The following COL4A2 variants were observed in gnomAD, a reference collection of about 807,000 sequenced individuals.
COL4A2 encodes the protein collagen alpha-2(IV) chain.
In COL4A2, 99 loss-of-function variants were observed where a neutral mutation model predicts 200.2. The ratio of observed to expected loss-of-function variants is 0.49; its 90% CI spans 0.42 to 0.58. The LOEUF is 0.58. COL4A2 is among the 20% of genes least tolerant of loss of function. The pLI, the probability that COL4A2 is intolerant of heterozygous loss-of-function variation, is 0.00. For synonymous variants in COL4A2, 897 were observed against 900.6 expected, an observed-to-expected ratio of 1.00 and a Z score of 0.07; for missense variants, 1,950 against 2,314.1, an observed-to-expected ratio of 0.84 and a Z score of 3.23.
intron 29 of COL4A2, among the ~76,000 whole-genome samples, chr13:110,477,478 G>T (rs1298979212): frequency 6.6e-6 from 1 of 152,140 alleles, no homozygotes; most frequent in African/African-American, 2.4e-5. Context: ...AGTTTCTCAG[G>T]CAGTTTCCTA....
At chr13:110,310,955 G>A (rs1027817419) in intron 3 of COL4A2, among the ~76,000 whole-genome samples, 5 of 152,206 alleles carry the variant, frequency 3.3e-5, no homozygotes, top group Non-Finnish European at 7.3e-5. Flanking sequence ...GAATGAGACG[G>A]ATTAGAACCC....
intron 40 of COL4A2, among the ~76,000 whole-genome samples, chr13:110,496,783 G>C (rs1227032504): frequency 1.3e-5 from 2 of 150,746 alleles, no homozygotes; most frequent in Non-Finnish European, 2.9e-5. Flanking sequence ...TCTAGGGTCA[G>C]TCCATCAGCA....
chr13:110,470,878 A>G lies in COL4A2; in HGVS notation c.2203+1554A>G, dbSNP rs150632378. 5.3e-3 allele frequency among the ~76,000 whole-genome samples: 809 copies of G among 152,258 alleles called. 1 individual carries two copies. Among genetic ancestry groups the G allele is most frequent in the Non-Finnish European group, 8.5e-3 (578 of 68,022 alleles). On this transcript the variant is annotated intron_variant, in intron 28 of 47. Transcript: ENST00000360467. ...CCCGTAGGGATTGTTCCAAACCCTG[A>G]CCCTGTTTCCTTTCATATGATGCGT... is the stretch of plus-strand genomic sequence containing the variant.
intron 4 of COL4A2, among the ~76,000 whole-genome samples, chr13:110,389,033 C>A (rs1878883438): frequency 6.6e-6 from 1 of 152,198 alleles, no homozygotes. Context: ...TTTCTTTAAG[C>A]AGCTGACACT....
intron 3 of COL4A2, among the ~76,000 whole-genome samples, chr13:110,321,225 T>TACACAC (rs530933085): frequency 7.0e-6 from 1 of 143,552 alleles, no homozygotes; most frequent in South Asian, 2.1e-4. Flanking sequence ...TATATATATA[T>TACACAC]ACACACACAC....
intron 44 of COL4A2, 59 bp from the exon 45 acceptor site, chr13:110,504,089 C>G: frequency 6.3e-7 from 1 of 1,587,886 alleles, no homozygotes; most frequent in Non-Finnish European, 8.6e-7. Context: ...CTTTGTGGAT[C>G]GCCGGCCGTG....
At position 110,508,356 on chromosome 13, in the gene COL4A2, C is replaced by G; in HGVS notation, c.4881+135C>G. 1 of 1,377,218 alleles carries G rather than the reference C, an allele frequency of 7.3e-7. No individual in the cohort carries two copies. The highest frequency in any genetic ancestry group is 9.9e-7 in the Non-Finnish European group (1 of 1,010,648). 85.3% of individuals were successfully genotyped at this position (1,377,218 alleles called of 1,614,324 possible). A position where few individuals can be genotyped will look rare whatever the true frequency, so the allele number is the denominator to read the frequency against. On this transcript the variant is annotated intron_variant, in intron 47 of 47. Coordinates refer to ENST00000360467, the MANE Select transcript of COL4A2 (RefSeq NM_001846.4). This position sits in a 1 kb window ranked among gnomAD's most constrained non-coding sequence, Gnocchi z 6.1. Reference sequence around the variant, plus strand: ...GCACAAGGGTAGTTGGCCCAGGAAGCGAGCGAGAGCTGGAACACAGCTTAC... The same window carrying G: ...GCACAAGGGTAGTTGGCCCAGGAAGGGAGCGAGAGCTGGAACACAGCTTAC...
chr13:110,362,841 G>A (rs773855635), intron 4 of COL4A2, among the ~76,000 whole-genome samples: 1 of 152,190 alleles, frequency 6.6e-6, no homozygotes, highest in Non-Finnish European at 1.5e-5. Flanking sequence ...AACTCACCTA[G>A]CAGATGGTGA....
At chr13:110,485,164 T>G (rs373638966) in intron 33 of COL4A2, 137 bp downstream of exon 33, 7 of 701,436 alleles carry the variant, frequency 1.0e-5, no homozygotes, top group Non-Finnish European at 1.6e-5. Context: ...CTGGGCGCCC[T>G]GTGTGTCCAT....
chr13:110,410,246 C>T (rs995197736), intron 4 of COL4A2, among the ~76,000 whole-genome samples: 1 of 152,244 alleles, frequency 6.6e-6, no homozygotes, highest in Non-Finnish European at 1.5e-5. Flanking sequence ...CCCCTGTCCC[C>T]TCGCAGGGCT....
chr13:110,319,953 T>C (rs1409263608), intron 3 of COL4A2, among the ~76,000 whole-genome samples: 2 of 152,208 alleles, frequency 1.3e-5, no homozygotes, highest in African/African-American at 2.4e-5. Context: ...AAATTGTGTA[T>C]CTTCAGTGAT....
chr13:110,349,051 C>T (rs1440967854), intron 3 of COL4A2, among the ~76,000 whole-genome samples: 4 of 152,296 alleles, frequency 2.6e-5, no homozygotes, highest in African/African-American at 9.6e-5. Flanking sequence ...ATGGCATCCA[C>T]TTTAAATGAT....
chr13:110,508,248 C>G lies in COL4A2; in HGVS notation c.4881+27C>G. 4 of 1,607,514 alleles carry G rather than the reference C, an allele frequency of 2.5e-6. No homozygotes were observed. The highest frequency in any genetic ancestry group is 3.4e-6 in the Non-Finnish European group (4 of 1,175,120). On this transcript the variant is annotated intron_variant, in intron 47 of 47. Transcript: ENST00000360467. This position sits in a 1 kb window ranked among gnomAD's most constrained non-coding sequence, Gnocchi z 6.1. ...TATGTGGTATTTGCCCAGTTCCCCTCCCCAACCACACCCTGCTGGGGACAC... is the reference window on the plus strand; with the variant it reads ...TATGTGGTATTTGCCCAGTTCCCCTGCCCAACCACACCCTGCTGGGGACAC...
chr13:110,341,605 C>G (rs1876456848), intron 3 of COL4A2, among the ~76,000 whole-genome samples: 1 of 152,232 alleles, frequency 6.6e-6, no homozygotes, highest in Non-Finnish European at 1.5e-5. Flanking sequence ...AACAACTCCA[C>G]TTTGAGAGGA....
At chr13:110,338,253 T>C (rs531061037) in intron 3 of COL4A2, among the ~76,000 whole-genome samples, 6 of 152,332 alleles carry the variant, frequency 3.9e-5, no homozygotes, top group African/African-American at 1.4e-4. Context: ...GCTGAGCAGT[T>C]ACTGCATATG....
chr13:110,408,885 G>A (rs539375491), intron 4 of COL4A2, among the ~76,000 whole-genome samples: 18 of 110,282 alleles, frequency 1.6e-4, no homozygotes, highest in Admixed American at 9.4e-4. Flanking sequence ...ATGGACACGC[G>A]CACACGTTTA....
chr13:110,399,944 A>G (rs1879314193), intron 4 of COL4A2, among the ~76,000 whole-genome samples: 2 of 152,226 alleles, frequency 1.3e-5, no homozygotes, highest in Admixed American at 1.3e-4. Flanking sequence ...TGAATTGAGT[A>G]ATCTCCACAA....
intron 41 of COL4A2, 132 bp from the exon 42 acceptor site, chr13:110,502,989 A>G: frequency 1.2e-6 from 1 of 838,828 alleles, no homozygotes; most frequent in South Asian, 1.6e-5. Context: ...TTTTTTAAAA[A>G]CATAGACAAA....
In COL4A2 at chr13:110,385,862, AGCGTGTGGATGGG is replaced by A. The variant is rs1185995705; in HGVS notation, c.180+28311_180+28323del. On this transcript the variant is annotated intron_variant, in intron 4 of 47. Coordinates refer to ENST00000360467, the MANE Select transcript of COL4A2 (RefSeq NM_001846.4). ...CAGTGTGTGGATAGGCCGTGGTTGC[AGCGTGTGGATGGG>A]CCGTGGTTACAGCGTGTGGATAGGC... is the stretch of plus-strand genomic sequence containing the variant. Among the ~76,000 whole-genome samples, 12 of 137,630 alleles carry A rather than the reference AGCGTGTGGATGGG, an allele frequency of 8.7e-5. 5 individuals are homozygous for A. The highest frequency in any genetic ancestry group is 1.8e-4 in the Non-Finnish European group (11 of 61,792). The allele number at this position is 137,630 out of a possible 152,430, so 90.3% of individuals were successfully genotyped here. A position where few individuals can be genotyped will look rare whatever the true frequency, so the allele number is the denominator to read the frequency against.
Sources: allele counts gnomAD v4.1 joint callset (sites outside exome capture counted in the v4.1 genomes callset), GRCh38; gene constraint gnomAD v4.1.1; non-coding constraint Gnocchi (gnomAD v3.1); transcripts MANE v1.5; gene names NCBI Gene and HGNC (gene_info 2026-07-23, HGNC 2026-07-21).